The following STPG1 variants were observed in gnomAD, a reference collection of about 807,000 sequenced individuals.
STPG1 encodes the protein sperm tail PG-rich repeat containing 1, also known as O(6)-methylguanine-induced apoptosis 2.
STPG1 carries 33 observed loss-of-function variants against 40.1 expected under a neutral mutation model. That is an observed-to-expected ratio of 0.82 (90% CI 0.62 to 1.10). STPG1 has a LOEUF of 1.10. Ranked by LOEUF, STPG1 falls within the 50% of genes least tolerant of loss-of-function variation. STPG1 has a pLI of 0.00. For missense variants in STPG1, 396 were observed against 415.1 expected (o/e 0.95, Z 0.40); for synonymous variants, 150 against 155.0 (o/e 0.97, Z 0.24).
intron 3 of STPG1, among the ~76,000 whole-genome samples, chr1:24,385,054 GC>G (rs1254676046): frequency 6.6e-6 from 1 of 152,140 alleles, no homozygotes; most frequent in African/African-American, 2.4e-5. Flanking sequence ...AACCGAGACA[GC>G]CCGACTCCAG....
chr1:24,372,196 CAAAACAAAAA>C (rs1409194622), intron 6 of STPG1, among the ~76,000 whole-genome samples: 1 of 152,046 alleles, frequency 6.6e-6, no homozygotes, highest in Admixed American at 6.6e-5. Context: ...CAAAACAAAA[CAAAACAAAAA>C]CAAAAAAATC....
chr1:24,392,223 T>G (rs1486849243), intron 2 of STPG1, among the ~76,000 whole-genome samples: 1 of 152,214 alleles, frequency 6.6e-6, no homozygotes, highest in Non-Finnish European at 1.5e-5. Context: ...CAGAAAGGGA[T>G]CATCTATAGA....
chr1:24,403,782 T>C (rs1478980728), intron 1 of STPG1, among the ~76,000 whole-genome samples: 1 of 152,124 alleles, frequency 6.6e-6, no homozygotes, highest in African/African-American at 2.4e-5. Flanking sequence ...ATATAAGTAA[T>C]TTATATATAT....
rs1355559411 is a variant in STPG1, at chr1:24,391,750, G to T, written c.71-71C>A. ...GATTGACAAATGTGGAAAACACAAA[G>T]GTGTATATTAAAGTTTTATTTTAAA... On this transcript the variant is annotated intron_variant, in intron 2 of 8. Transcript: ENST00000337248. 7.1e-6 allele frequency: 9 copies of T among 1,270,918 alleles called. No individual in the cohort carries two copies. The African/African-American group carries it at 1.4e-4, about 20-fold the overall frequency. The allele number at this position is 1,270,918 out of a possible 1,614,324, so 78.7% of individuals were successfully genotyped here.
At chr1:24,370,789 C>CG (rs542916022) in intron 6 of STPG1, among the ~76,000 whole-genome samples, 4 of 147,124 alleles carry the variant, frequency 2.7e-5, no homozygotes, top group African/African-American at 1.0e-4. Flanking sequence ...CTGTGCCCAG[C>CG]TTTTTTTTTT....
chr1:24,379,152 A>T (rs2148694776), intron 5 of STPG1: 1 of 159,030 alleles, frequency 6.3e-6, no homozygotes, highest in South Asian at 1.8e-4. Context: ...ATGAGAGCTA[A>T]ACCAAACCTT....
intron 5 of STPG1, 101 bp from the exon 6 acceptor site, chr1:24,373,911 C>T: frequency 4.8e-6 from 4 of 828,704 alleles, no homozygotes; most frequent in Non-Finnish European, 8.2e-6. Context: ...AAAAATCAAA[C>T]CGAAACCTGT....
chr1:24,395,351 C>G (rs555830055), intron 2 of STPG1, among the ~76,000 whole-genome samples: 1 of 149,092 alleles, frequency 6.7e-6, no homozygotes, highest in Non-Finnish European at 1.5e-5. Context: ...ATCTGAATCA[C>G]ATAAAGGAAT....
chr1:24,405,928 G>T (rs1643398445), intron 1 of STPG1, among the ~76,000 whole-genome samples: 6 of 151,774 alleles, frequency 4.0e-5, no homozygotes, highest in Admixed American at 2.6e-4. Context: ...TAATTATTGA[G>T]TTTTCTTCAC....
At chr1:24,361,449 G>A (rs573113108) in intron 7 of STPG1, among the ~76,000 whole-genome samples, 3 of 152,148 alleles carry the variant, frequency 2.0e-5, no homozygotes, top group Non-Finnish European at 2.9e-5. Flanking sequence ...AAAAAACTGA[G>A]GCCTCATATG....
At chr1:24,396,255 A>G (rs1642994693) in intron 2 of STPG1, among the ~76,000 whole-genome samples, 1 of 142,106 alleles carries the variant, frequency 7.0e-6, no homozygotes, top group East Asian at 2.1e-4. Context: ...CTGTCTATCT[A>G]TCTATCCATC....
At chr1:24,401,242 T>C in intron 2 of STPG1, 77 bp downstream of exon 2, 4 of 1,312,866 alleles carry the variant, frequency 3.0e-6, no homozygotes, top group Middle Eastern at 1.8e-4. Context: ...GGACTTACTA[T>C]TCCCCCCAAA....
intron 2 of STPG1, 116 bp from the exon 3 acceptor site, chr1:24,391,795 G>T: frequency 8.5e-7 from 1 of 1,179,616 alleles, no homozygotes. Context: ...AGAGAAACTT[G>T]CCTTTTGACA....
In STPG1 at chr1:24,358,503, G is replaced by A. The variant is rs199684576; in HGVS notation, c.*40C>T. On this transcript the variant is annotated 3_prime_UTR_variant, in exon 9 of 9. Transcript: ENST00000337248. ...TGTCCTGGGGACGCTGGGCAGGGTG[G>A]GCTGGTGGCTGGAGTTCTCCTTGAC... is the stretch of plus-strand genomic sequence containing the variant. The A allele has an allele frequency of 2.2e-4, 336 of 1,520,936 alleles. 1 individual carries two copies. Among genetic ancestry groups the A allele is most frequent in the Non-Finnish European group, 2.7e-4 (296 of 1,095,182 alleles). 94.2% of individuals were successfully genotyped at this position (1,520,936 alleles called of 1,614,324 possible).
chr1:24,401,157 G>C, intron 2 of STPG1, 162 bp downstream of exon 2: 1 of 481,406 alleles, frequency 2.1e-6, no homozygotes, highest in Non-Finnish European at 3.7e-6. Flanking sequence ...CTTCCCAATC[G>C]TCACACTTGA....
chr1:24,378,078 AC>A lies in STPG1; in HGVS notation c.462+1574del, dbSNP rs1486745378. On this transcript the variant is annotated intron_variant, in intron 5 of 8. Transcript: ENST00000337248. ...CCGAGGGAAGACTGCCTGGAGTTGG[AC>A]TGCCCAGTATAGTAGCCACAGGTTG... Among the ~76,000 whole-genome samples, 769 of 152,210 alleles carry A rather than the reference AC, an allele frequency of 5.1e-3. 6 individuals are homozygous for A. Among genetic ancestry groups the A allele is most frequent in the African/African-American group, 0.017 (716 of 41,508 alleles).
chr1:24,398,962 T>A (rs921614992), intron 2 of STPG1, among the ~76,000 whole-genome samples: 2 of 152,148 alleles, frequency 1.3e-5, no homozygotes, highest in Non-Finnish European at 2.9e-5. Context: ...AGAGTTTTTT[T>A]AAGACATTAA....
chr1:24,371,336 C>A (rs1641728227), intron 6 of STPG1, among the ~76,000 whole-genome samples: 1 of 152,064 alleles, frequency 6.6e-6, no homozygotes, highest in Admixed American at 6.5e-5. Flanking sequence ...ACCTATAATC[C>A]CAGCACTTTG....
In STPG1 at chr1:24,401,339, C is replaced by T. The variant is rs533457586; in HGVS notation, c.50G>A (p.Arg17His). Reference sequence around the variant, plus strand: ...TGTACCTTTCTGTACTTCACTGGCACGTCTGGGATGTTTGCCAGTGCGTTC... The same window carrying T: ...TGTACCTTTCTGTACTTCACTGGCATGTCTGGGATGTTTGCCAGTGCGTTC... ...KNERTGKHPR[R>H]ASEVQKGFTA... is the part of the protein sequence containing the mutation. Residue 17 changes from arginine to histidine, a missense_variant, in exon 2 of 9, where the codon CGT (arginine) becomes CAT (histidine). Coordinates refer to ENST00000337248, the MANE Select transcript of STPG1 (RefSeq NM_001199013.2). The T allele has an allele frequency of 2.2e-5, 35 of 1,614,080 alleles. 1 individual carries two copies. The highest frequency in any genetic ancestry group is 3.3e-4 in the Middle Eastern group (2 of 6,062).
Sources: allele counts gnomAD v4.1 joint callset (sites outside exome capture counted in the v4.1 genomes callset), GRCh38; gene constraint gnomAD v4.1.1; transcripts MANE v1.5; gene names NCBI Gene and HGNC (gene_info 2026-07-23, HGNC 2026-07-21).